DCC: variants seen among roughly 807,000 people sequenced by gnomAD.
The protein encoded by DCC is netrin receptor DCC.
A neutral mutation model predicts 172.5 loss-of-function variants in DCC; 58 were observed. The observed-to-expected ratio is 0.34, with a 90% CI of 0.27 to 0.42. The LOEUF (loss-of-function observed/expected upper bound fraction) is 0.42. Ranked by LOEUF, DCC falls within the 10% of genes least tolerant of loss-of-function variation. DCC has a pLI of 1.00. For synonymous variants in DCC, 709 were observed against 644.5 expected (o/e 1.10, Z -1.52); for missense variants, 1,740 against 1,791.0 (o/e 0.97, Z 0.51).
At chr18:52,521,494 G>A (rs1298783917) in intron 1 of DCC, among the ~76,000 whole-genome samples, 1 of 152,096 alleles carries the variant, frequency 6.6e-6, no homozygotes, top group African/African-American at 2.4e-5. Context: ...GCTTGCAGAT[G>A]GCCACCTTCT....
At chr18:53,043,763 CA>C (rs2042200581) in intron 5 of DCC, among the ~76,000 whole-genome samples, 2 of 151,872 alleles carry the variant, frequency 1.3e-5, no homozygotes, top group Non-Finnish European at 2.9e-5. Context: ...TATGCTTTAA[CA>C]ATCTCATTAC....
rs1268319820 is a variant in DCC at position 52,846,507 on chromosome 18, A to G, written c.413-59537A>G. Reference sequence around the variant, plus strand: ...TGAGCTGAAATTGAGTCACTACACTACAGCCTGGGCAAAAGATTGAGACCC... The same window carrying G: ...TGAGCTGAAATTGAGTCACTACACTGCAGCCTGGGCAAAAGATTGAGACCC... On this transcript the variant is annotated intron_variant, in intron 2 of 28. Transcript: ENST00000442544. Among the ~76,000 whole-genome samples the G allele has an allele frequency of 2.0e-5, 3 of 152,046 alleles. No homozygotes were observed. In the East Asian group the frequency reaches 5.8e-4, roughly 30 times the overall value.
chr18:53,076,066 C>A (rs1175364975), intron 7 of DCC, among the ~76,000 whole-genome samples: 3 of 152,136 alleles, frequency 2.0e-5, no homozygotes, highest in Admixed American at 1.3e-4. Flanking sequence ...GAATGCCAAT[C>A]ATATTTTCCT....
intron 3 of DCC, among the ~76,000 whole-genome samples, chr18:52,921,074 G>T (rs2040117117): frequency 6.6e-6 from 1 of 152,106 alleles, no homozygotes; most frequent in African/African-American, 2.4e-5. Context: ...AGGATGCTGA[G>T]ATTATTCCAA....
chr18:53,234,644 T>A (rs1366440551), intron 12 of DCC, among the ~76,000 whole-genome samples: 2 of 152,058 alleles, frequency 1.3e-5, no homozygotes, highest in Non-Finnish European at 2.9e-5. Context: ...TTTTCAAGAC[T>A]GTGTAAAATA....
At chr18:53,290,882 GT>G (rs1329393698) in intron 12 of DCC, among the ~76,000 whole-genome samples, 1 of 152,090 alleles carries the variant, frequency 6.6e-6, no homozygotes, top group Admixed American at 6.6e-5. Context: ...TTAAAAAAAT[GT>G]TGGGGCCAGG....
intron 9 of DCC, among the ~76,000 whole-genome samples, chr18:53,187,851 G>A (rs16956327): frequency 0.05 from 7,624 of 152,220 alleles, 216 homozygotes; most frequent in Middle Eastern, 0.12. Flanking sequence ...TGCAGGGAGC[G>A]GAGATTACCA....
intron 1 of DCC, among the ~76,000 whole-genome samples, chr18:52,583,263 A>G (rs986342469): frequency 6.6e-6 from 1 of 152,202 alleles, no homozygotes; most frequent in Non-Finnish European, 1.5e-5. Flanking sequence ...AATGTGCAAT[A>G]AAAACACTGG....
At chr18:52,527,325 A>G (rs532217385) in intron 1 of DCC, among the ~76,000 whole-genome samples, 193 of 152,318 alleles carry the variant, frequency 1.3e-3, no homozygotes, top group African/African-American at 4.5e-3. Flanking sequence ...TTTTTGAAAC[A>G]AAGAGATGTT....
chr18:52,927,661 C>G (rs895607896), intron 5 of DCC, among the ~76,000 whole-genome samples: 2 of 151,952 alleles, frequency 1.3e-5, no homozygotes, highest in African/African-American at 2.4e-5. Context: ...AAAAAATGCT[C>G]CACATTACTA....
intron 2 of DCC, among the ~76,000 whole-genome samples, chr18:52,808,445 A>G (rs2038129500): frequency 6.6e-6 from 1 of 152,114 alleles, no homozygotes; most frequent in African/African-American, 2.4e-5. Flanking sequence ...AAAAGTCTCA[A>G]TATCATAGAT....
intron 7 of DCC, among the ~76,000 whole-genome samples, chr18:53,131,410 A>G (rs1393005677): frequency 2.0e-5 from 3 of 152,150 alleles, no homozygotes; most frequent in Admixed American, 6.5e-5. Context: ...GGAAAGATGC[A>G]AAAGTTGTTA....
chr18:52,759,841 T>C (rs1261748281), intron 2 of DCC, among the ~76,000 whole-genome samples: 1 of 152,170 alleles, frequency 6.6e-6, no homozygotes, highest in South Asian at 2.1e-4. Flanking sequence ...TTAAACAAAG[T>C]TATACACAAG....
In DCC at chr18:53,226,816, T is replaced by C. The variant is rs541393545; in HGVS notation, c.1911+11219T>C. Among the ~76,000 whole-genome samples, 69 of 151,502 alleles carry C rather than the reference T, an allele frequency of 4.6e-4. No individual in the cohort carries two copies. In the South Asian group the frequency reaches 0.013, roughly 28 times the overall value. ...AAAATGCAAGTCATAAAACTGAGCA[T>C]ACATTTTATAATCAGTCATTATTAA... On this transcript the variant is annotated intron_variant, in intron 12 of 28. Transcript: ENST00000442544.
rs201359023 is a variant in DCC at position 53,157,352 on chromosome 18, T to C, written c.1262-4T>C. 8.1e-5 allele frequency: 131 copies of C among 1,614,068 alleles called. No homozygotes were observed. In the African/African-American group the frequency reaches 1.4e-3, roughly 18 times the overall value. ...TCTGATAGCCTCCTCTTCTTTCTCC[T>C]TAGCTATCCCAAGCTCCAGTGTCCT... On this transcript the variant is annotated splice_polypyrimidine_tract_variant and splice_region_variant and intron_variant, in intron 7 of 28. Transcript: ENST00000442544.
intron 7 of DCC, among the ~76,000 whole-genome samples, chr18:53,132,689 C>T (rs117008100): frequency 5.3e-5 from 8 of 152,118 alleles, no homozygotes; most frequent in Admixed American, 2.6e-4. Flanking sequence ...GTGTCAGGAC[C>T]TGAAAGGGTG....
chr18:52,416,817 T>A (rs1987049634), intron 1 of DCC, among the ~76,000 whole-genome samples: 1 of 152,146 alleles, frequency 6.6e-6, no homozygotes, highest in African/African-American at 2.4e-5. Context: ...GGGTCTTGAC[T>A]CTTTATCCAA....
Position 53,131,844 on chromosome 18 carries a change from C to T in DCC, c.1262-25512C>T, listed in dbSNP as rs529723080. ...GAGAATTGAGTCAGCACAGCAAAGG[C>T]CGAATTTGTCTTGGTCTTAAAAATA... On this transcript the variant is annotated intron_variant, in intron 7 of 28. Coordinates refer to ENST00000442544, the MANE Select transcript of DCC (RefSeq NM_005215.4). Among the ~76,000 whole-genome samples the T allele has an allele frequency of 6.6e-5, 10 of 151,448 alleles. No individual in the cohort carries two copies. The South Asian group carries it at 2.1e-3, about 32-fold the overall frequency.
chr18:52,706,136 T>C (rs1230200914), intron 1 of DCC, among the ~76,000 whole-genome samples: 1 of 152,098 alleles, frequency 6.6e-6, no homozygotes. Flanking sequence ...ATAGAGGTCA[T>C]AAAGTGAGGT....
Sources: gnomAD v4.1 joint callset for allele counts (sites outside exome capture counted in the v4.1 genomes callset) on GRCh38, gnomAD v4.1.1 for gene constraint, MANE v1.5 for transcripts, NCBI Gene and HGNC (gene_info 2026-07-23, HGNC 2026-07-21) for gene names.